GSDMC: variants seen among roughly 807,000 people sequenced by gnomAD.
GSDMC encodes the protein gasdermin-C.
In GSDMC, 59 loss-of-function variants were observed where a neutral mutation model predicts 58.0. The ratio of observed to expected loss-of-function variants is 1.02; its 90% CI spans 0.82 to 1.26. The LOEUF is 1.26. Ranked by LOEUF, GSDMC falls within the 50% of genes most tolerant of loss-of-function variation. GSDMC has a pLI of 0.00. For missense variants in GSDMC, 659 were observed against 598.5 expected (o/e 1.10, Z -1.06); for synonymous variants, 241 against 220.2 (o/e 1.09, Z -0.83).
the GSDMC span, among the ~76,000 whole-genome samples, chr8:129,720,895 T>A: frequency 1.3e-5 from 2 of 152,110 alleles, no homozygotes; most frequent in Non-Finnish European, 2.9e-5. Flanking sequence ...ATGGGATAAG[T>A]GCAGTGGGAA....
chr8:129,724,711 TTAGA>T, the GSDMC span, among the ~76,000 whole-genome samples: 11 of 152,066 alleles, frequency 7.2e-5, no homozygotes, highest in Non-Finnish European at 1.5e-4. Context: ...CGAAAAAGCG[TTAGA>T]TAGCATAATT....
chr8:129,752,082 A>AG, intron 8 of GSDMC, 24 bp downstream of exon 8: 1 of 1,604,722 alleles, frequency 6.2e-7, no homozygotes, highest in South Asian at 1.1e-5. Flanking sequence ...TTGTCCTGGA[A>AG]GGGGAGGGCC....
rs1462101894 is a variant in GSDMC at position 129,749,451 on chromosome 8, C to T, written c.1287+1G>A. 1.9e-6 allele frequency: 3 copies of T among 1,610,756 alleles called. No homozygotes were observed. Among genetic ancestry groups the T allele is most frequent in the Admixed American group, 1.7e-5 (1 of 60,008 alleles). On this transcript the variant is annotated splice_donor_variant, in intron 13 of 13. Coordinates refer to ENST00000276708, the MANE Select transcript of GSDMC (RefSeq NM_031415.3). LOFTEE classifies it high-confidence loss of function. The stretch of plus-strand genomic sequence containing the variant: ...ACTTCTGGCCCCTGGGAAGTTCTCA[C>T]CAGCTCCTGTTGCTGAAGCAGGATC...
intron 1 of GSDMC, among the ~76,000 whole-genome samples, chr8:129,781,099 A>G (rs1248797243): frequency 6.6e-6 from 1 of 152,208 alleles, no homozygotes; most frequent in Non-Finnish European, 1.5e-5. Context: ...TACCTTCACT[A>G]AAAGGAAGAA....
intron 6 of GSDMC, among the ~76,000 whole-genome samples, chr8:129,757,125 T>C (rs1412262597): frequency 6.6e-6 from 1 of 151,848 alleles, no homozygotes; most frequent in South Asian, 2.1e-4. Context: ...AGTTGGCTTT[T>C]TGAAAAGATA....
intron 2 of GSDMC, 141 bp downstream of exon 2, chr8:129,777,227 G>T: frequency 3.3e-6 from 2 of 598,510 alleles, no homozygotes; most frequent in Non-Finnish European, 6.0e-6. Context: ...ATTTGTCTTC[G>T]TTTCTTGCCC....
the GSDMC span, among the ~76,000 whole-genome samples, chr8:129,730,894 T>C: frequency 1.3e-5 from 2 of 152,168 alleles, no homozygotes; most frequent in Non-Finnish European, 2.9e-5. Context: ...CCATCTGTAA[T>C]CATGATGTGG....
At chr8:129,707,878 A>T in the GSDMC span, among the ~76,000 whole-genome samples, 2 of 152,222 alleles carry the variant, frequency 1.3e-5, no homozygotes, top group Non-Finnish European at 2.9e-5. Context: ...TTGGTGGTTC[A>T]TGCTTCTTTG....
the GSDMC span, among the ~76,000 whole-genome samples, chr8:129,720,371 T>C: frequency 6.6e-6 from 1 of 152,222 alleles, no homozygotes; most frequent in African/African-American, 2.4e-5. Context: ...TCAGGATGTA[T>C]CAAAAAGTTT....
rs2033147118 is a variant in GSDMC at position 129,750,529 on chromosome 8, TC to T, written c.984del (p.Thr329HisfsTer30). 6.2e-7 allele frequency: 1 copy of T among 1,613,836 alleles called. No individual in the cohort carries two copies. On this transcript the variant is annotated frameshift_variant, in exon 11 of 14. Coordinates refer to ENST00000276708, the MANE Select transcript of GSDMC (RefSeq NM_031415.3). LOFTEE classifies it high-confidence loss of function. ...HLQEEVFQKIKTLAQLSKDVQ... is the reference protein window; with the variant it reads ...HLQEEVFQKIXTLAQLSKDVQ... ...ACATCCTTTGAGAGCTGAGCCAGTG[TC>T]TTTATTTTCTGGAAAACCTCCTCTT...
At chr8:129,772,173 A>C (rs1208615029) in intron 3 of GSDMC, among the ~76,000 whole-genome samples, 1 of 151,300 alleles carries the variant, frequency 6.6e-6, no homozygotes, top group African/African-American at 2.4e-5. Flanking sequence ...AGGCAGGAGA[A>C]TGGCATGAAC....
chr8:129,783,054 C>T (rs75540506), intron 1 of GSDMC, among the ~76,000 whole-genome samples: 2,618 of 152,078 alleles, frequency 0.017, 77 homozygotes, highest in East Asian at 0.075. Flanking sequence ...TGGTACAACA[C>T]GCACAAATCA....
intron 6 of GSDMC, 200 bp from the exon 7 acceptor site, chr8:129,753,020 A>G: frequency 2.1e-6 from 2 of 945,784 alleles, no homozygotes; most frequent in South Asian, 3.5e-5. Flanking sequence ...TGCAAATGCC[A>G]GCCAAAGAGC....
the GSDMC span, among the ~76,000 whole-genome samples, chr8:129,712,458 G>A: frequency 2.6e-5 from 4 of 152,228 alleles, no homozygotes; most frequent in Admixed American, 2.0e-4. Context: ...TCTAGTTCAG[G>A]GTTACCAGCA....
the GSDMC span, among the ~76,000 whole-genome samples, chr8:129,713,484 C>T: frequency 1.3e-5 from 2 of 152,136 alleles, no homozygotes; most frequent in African/African-American, 4.8e-5. Context: ...TTATGAAACC[C>T]CAAACACTCT....
rs946054651 is a variant in GSDMC, at chr8:129,753,676, A to T, written c.722-856T>A. Among the ~76,000 whole-genome samples the T allele has an allele frequency of 2.0e-5, 3 of 152,226 alleles. No individual in the cohort carries two copies. In the South Asian group the frequency reaches 6.2e-4, roughly 31 times the overall value. ...GGTACCAGTTCAGCCACAGTGGTGT[A>T]GTGCACCAAGCAGGCTCTTGGGGCC... On this transcript the variant is annotated intron_variant, in intron 6 of 13. Coordinates refer to ENST00000276708, the MANE Select transcript of GSDMC (RefSeq NM_031415.3).
the GSDMC span, among the ~76,000 whole-genome samples, chr8:129,716,547 A>G: frequency 5.3e-5 from 8 of 152,210 alleles, no homozygotes; most frequent in African/African-American, 1.9e-4. Flanking sequence ...TAAATATACA[A>G]TCATGTCATC....
chr8:129,754,897 A>G (rs1255337680), intron 6 of GSDMC, among the ~76,000 whole-genome samples: 2 of 152,212 alleles, frequency 1.3e-5, no homozygotes, highest in Non-Finnish European at 2.9e-5. Flanking sequence ...AAGACAGCCT[A>G]TTTGAAAATA....
the GSDMC span, among the ~76,000 whole-genome samples, chr8:129,726,999 T>TATACAC: frequency 0.026 from 2,387 of 93,038 alleles, 25 homozygotes; most frequent in Admixed American, 0.027. Flanking sequence ...CCAATACACA[T>TATACAC]ACACACACAC....
Sources: allele counts gnomAD v4.1 joint callset (sites outside exome capture counted in the v4.1 genomes callset), GRCh38; gene constraint gnomAD v4.1.1; transcripts MANE v1.5; gene names NCBI Gene and HGNC (gene_info 2026-07-23, HGNC 2026-07-21).